The following EPB41L3 variants were observed in gnomAD, a reference collection of about 807,000 sequenced individuals.
EPB41L3 encodes band 4.1-like protein 3.
EPB41L3 carries 57 observed loss-of-function variants against 127.1 expected under a neutral mutation model. The ratio of observed to expected loss-of-function variants is 0.45; its 90% CI spans 0.36 to 0.56. EPB41L3 has a LOEUF of 0.56. Ranked by LOEUF, EPB41L3 falls within the 20% of genes least tolerant of loss-of-function variation. The pLI is 0.00. For missense variants in EPB41L3, 1,273 were observed against 1,372.2 expected, an observed-to-expected ratio of 0.93 and a Z score of 1.14; for synonymous variants, 572 against 549.5, an observed-to-expected ratio of 1.04 and a Z score of -0.57.
At chr18:5,509,367 T>C (rs2092400665) in intron 1 of EPB41L3, among the ~76,000 whole-genome samples, 1 of 152,196 alleles carries the variant, frequency 6.6e-6, no homozygotes, top group Non-Finnish European at 1.5e-5. Flanking sequence ...AACTAGCTCA[T>C]CAGAGGTGTC....
intron 2 of EPB41L3, among the ~76,000 whole-genome samples, chr18:5,612,952 G>T (rs1325061814): frequency 1.3e-5 from 2 of 152,146 alleles, no homozygotes; most frequent in South Asian, 2.1e-4. Flanking sequence ...TGTTGGCCAG[G>T]CTGGTCTCAA....
chr18:5,515,243 C>T (rs1290737813), intron 1 of EPB41L3, among the ~76,000 whole-genome samples: 2 of 152,266 alleles, frequency 1.3e-5, no homozygotes, highest in African/African-American at 2.4e-5. Context: ...ATGTACACTG[C>T]GGGGTGCTAC....
chr18:5,546,830 G>A (rs910591218), upstream of EPB41L3, among the ~76,000 whole-genome samples: 1 of 152,132 alleles, frequency 6.6e-6, no homozygotes, highest in African/African-American at 2.4e-5. Context: ...TCCCATGCAG[G>A]ATCCTCTCTT....
At chr18:5,430,382 A>C (rs2078826652) in intron 8 of EPB41L3, among the ~76,000 whole-genome samples, 1 of 152,118 alleles carries the variant, frequency 6.6e-6, no homozygotes, top group Non-Finnish European at 1.5e-5. Flanking sequence ...GCATGCATGA[A>C]GCCATTACAC....
rs79592897 is a variant in EPB41L3, at chr18:5,396,259, G to A, written c.2915C>T (p.Thr972Met). 846 of 1,614,176 alleles carry A rather than the reference G, an allele frequency of 5.2e-4. 6 individuals carry two copies. In the East Asian group the frequency reaches 0.015, roughly 29 times the overall value. ...GGTGTGAACTACTGGCACTTCCTTC[G>A]TGGAAATTTCTAGCTTTACTCCTCC... ...SPGGVKLEIS[T>M]KEVPVVHTET... The change falls in exon 19 of 23, where the codon ACG becomes ATG. Residue 972 changes from threonine (T) to methionine (M), a missense_variant. Thr to Met is a moderately conservative substitution (Grantham distance 81). Transcript: ENST00000341928.
At chr18:5,460,774 G>A (rs2083863732) in intron 3 of EPB41L3, among the ~76,000 whole-genome samples, 1 of 152,110 alleles carries the variant, frequency 6.6e-6, no homozygotes, top group South Asian at 2.1e-4. Flanking sequence ...CCGGGTTGAG[G>A]CTTCCTCCTC....
Position 5,478,392 on chromosome 18 carries a change from A to C in EPB41L3, c.230T>G (p.Leu77Arg), listed in dbSNP as rs1230011388. 1.9e-6 allele frequency: 3 copies of C among 1,614,136 alleles called. No individual in the cohort carries two copies. Among genetic ancestry groups the C allele is most frequent in the Non-Finnish European group, 2.5e-6 (3 of 1,180,026 alleles). ...ATCGTCTTCTAATTGCTGATATTCG[A>C]GCTGTTTTGCAGCCCTGGCAGCAAA... ...QEFAARAAKQ[L>R]EYQQLEDDKL... Residue 77 changes from leucine to arginine, a missense_variant, in exon 3 of 23, where the codon CTC (leucine) becomes CGC (arginine). Around this residue, in one of 3 missense-constraint regions of EPB41L3, gnomAD observed 182 missense variants for 149.2 expected, o/e 1.22. Coordinates refer to ENST00000341928, the MANE Select transcript of EPB41L3 (RefSeq NM_012307.5).
upstream of EPB41L3, among the ~76,000 whole-genome samples, chr18:5,546,878 AT>A (rs2093889848): frequency 6.6e-6 from 1 of 152,206 alleles, no homozygotes. Context: ...CACTGGGCAC[AT>A]TGCAAGCCAA....
At chr18:5,629,279 G>A (rs2094959882), upstream of EPB41L3, among the ~76,000 whole-genome samples, 1 of 152,082 alleles carries the variant, frequency 6.6e-6, no homozygotes, top group Non-Finnish European at 1.5e-5. Context: ...AGAGGAGCCG[G>A]CAGCGCGGAG....
chr18:5,505,108 T>C (rs972232569), intron 1 of EPB41L3, among the ~76,000 whole-genome samples: 1 of 152,196 alleles, frequency 6.6e-6, no homozygotes, highest in Non-Finnish European at 1.5e-5. Flanking sequence ...GCATCTGTCA[T>C]TCTGCCACCA....
rs778840438 is a variant in EPB41L3 at position 5,478,402 on chromosome 18, C to A, written c.220G>T (p.Ala74Ser). Residue 74 changes from alanine to serine, a missense_variant, in exon 3 of 23, where the codon GCA becomes TCA. Coordinates refer to ENST00000341928, the MANE Select transcript of EPB41L3 (RefSeq NM_012307.5). Reference sequence around the variant, plus strand: ...AATTGCTGATATTCGAGCTGTTTTGCAGCCCTGGCAGCAAACTCCTGTTCC... The same window carrying A: ...AATTGCTGATATTCGAGCTGTTTTGAAGCCCTGGCAGCAAACTCCTGTTCC... The part of the protein sequence containing the change: ...DKEQEFAARA[A>S]KQLEYQQLED... 21 of 1,614,006 alleles carry A rather than the reference C, an allele frequency of 1.3e-5. No individual in the cohort carries two copies. In the Admixed American group the frequency reaches 3.3e-4, roughly 26 times the overall value.
In EPB41L3 at chr18:5,426,473, C is replaced by G. The variant is rs369724333; in HGVS notation, c.1065+1840G>C. 1.4e-4 allele frequency among the ~76,000 whole-genome samples: 21 copies of G among 152,340 alleles called. No individual in the cohort carries two copies. The South Asian group carries it at 3.3e-3, about 24-fold the overall frequency. On this transcript the variant is annotated intron_variant, in intron 9 of 22. Coordinates refer to ENST00000341928, the MANE Select transcript of EPB41L3 (RefSeq NM_012307.5). ...ATTTGTTCCCTCCCGTCTATTCCCA[C>G]AGCCTCTGCCCTAGTTTAGGTCTTA...
intron 8 of EPB41L3, among the ~76,000 whole-genome samples, chr18:5,432,970 G>A (rs1199214747): frequency 6.6e-6 from 1 of 152,186 alleles, no homozygotes; most frequent in East Asian, 1.9e-4. Context: ...CACAGTGTCT[G>A]GCACTTAATG....
rs373921761 is a variant in EPB41L3, at chr18:5,542,856, G to C, written c.-12+1057C>G. Among the ~76,000 whole-genome samples, 56 of 152,270 alleles carry C rather than the reference G, an allele frequency of 3.7e-4. 1 individual carries two copies. The South Asian group carries it at 8.1e-3, about 22-fold the overall frequency. ...CAGAAGCCATGAACTTGGCGGGCGT[G>C]GGGGGGAAGGGGAAGAAGTCCGGCG... On this transcript the variant is annotated intron_variant, in intron 1 of 22. Transcript: ENST00000341928.
rs1300247569 is a variant in EPB41L3 at position 5,543,137 on chromosome 18, CG to C, written c.-12+775del. Among the ~76,000 whole-genome samples, 2 of 151,354 alleles carry C rather than the reference CG, an allele frequency of 1.3e-5. No individual in the cohort carries two copies. The highest frequency in any genetic ancestry group is 4.8e-5 in the African/African-American group (2 of 41,342). ...CCCGGCCCGCCCGTGCTCCCGCGCC[CG>C]GGTGCCAGAGGCGAGGGGCCCCGGC... On this transcript the variant is annotated intron_variant, in intron 1 of 22. Transcript: ENST00000341928. This position sits in a 1 kb window ranked among gnomAD's most constrained non-coding sequence, Gnocchi z 5.2.
chr18:5,455,301 A>C (rs549309734), intron 3 of EPB41L3, among the ~76,000 whole-genome samples: 2 of 152,238 alleles, frequency 1.3e-5, no homozygotes, highest in Non-Finnish European at 2.9e-5. Flanking sequence ...TACGAAAAAA[A>C]AAAATCCCTT....
intron 1 of EPB41L3, among the ~76,000 whole-genome samples, chr18:5,503,936 G>A (rs976419854): frequency 1.3e-5 from 2 of 152,160 alleles, no homozygotes; most frequent in East Asian, 3.8e-4. Context: ...AATCTCTCTT[G>A]AGAAGAATAT....
At chr18:5,599,514 C>T (rs1427907325) in intron 3 of EPB41L3, among the ~76,000 whole-genome samples, 1 of 152,070 alleles carries the variant, frequency 6.6e-6, no homozygotes, top group Non-Finnish European at 1.5e-5. Flanking sequence ...GGAGGTGGGG[C>T]CTGGTAGGAG....
chr18:5,442,407 G>A (rs964301641), intron 5 of EPB41L3, among the ~76,000 whole-genome samples: 3 of 152,012 alleles, frequency 2.0e-5, no homozygotes, highest in African/African-American at 4.8e-5. Context: ...ATAATCACCC[G>A]ACTCTCTTAT....
Sources: gnomAD v4.1 joint callset for allele counts (sites outside exome capture counted in the v4.1 genomes callset) on GRCh38, gnomAD v4.1.1 for gene constraint, gnomAD v4.1.1 regional missense constraint, Gnocchi (gnomAD v3.1) non-coding constraint, MANE v1.5 for transcripts, NCBI Gene and HGNC (gene_info 2026-07-23, HGNC 2026-07-21) for gene names.